The following NRXN1 variants were observed in gnomAD, a reference collection of about 807,000 sequenced individuals.
The protein encoded by NRXN1 is neurexin 1.
A neutral mutation model predicts 150.9 loss-of-function variants in NRXN1; 39 were observed. The ratio of observed to expected loss-of-function variants is 0.26; its 90% CI spans 0.20 to 0.34. The LOEUF is 0.34. NRXN1 is among the 10% of genes least tolerant of loss of function. The pLI is 1.00. For missense variants in NRXN1, 1,815 were observed against 1,949.9 expected, an observed-to-expected ratio of 0.93 and a Z score of 1.30; for synonymous variants, 924 against 757.0, an observed-to-expected ratio of 1.22 and a Z score of -3.62.
chr2:50,091,275 A>C, intron 19 of NRXN1, 48 bp downstream of exon 19: 1 of 1,603,214 alleles, frequency 6.2e-7, no homozygotes, highest in Non-Finnish European at 8.5e-7. Flanking sequence ...TTTTTCTTCC[A>C]GTTTGTTTTT....
rs2086582258 is a variant in NRXN1, at chr2:50,447,764, T to A, written c.3364+17678A>T. 1.8e-5 allele frequency among the ~76,000 whole-genome samples: 2 copies of A among 112,832 alleles called. 1 individual carries two copies. The highest frequency in any genetic ancestry group is 3.5e-5 in the Non-Finnish European group (2 of 57,294). 74.0% of individuals were successfully genotyped at this position (112,832 alleles called of 152,430 possible). A position where few individuals can be genotyped will look rare whatever the true frequency, so the allele number is the denominator to read the frequency against. ...ATATATATATATATATATATATATA[T>A]ATATATATATATATACCTAATTCCC... On this transcript the variant is annotated intron_variant, in intron 17 of 22. Transcript: ENST00000401669.
At position 50,133,603 on chromosome 2, in the gene NRXN1, T is replaced by C. The variant is rs945300884; in HGVS notation, c.3547-42109A>G. On this transcript the variant is annotated intron_variant, in intron 18 of 22. Coordinates refer to ENST00000401669, the MANE Select transcript of NRXN1 (RefSeq NM_001330078.2). ...TCAAGAAAAAAATTAGTAAACTAGT[T>C]GTGTTCTGGAAAAGAAAAATAAATT... is the stretch of plus-strand genomic sequence containing the variant. 1.5e-4 allele frequency among the ~76,000 whole-genome samples: 23 copies of C among 152,164 alleles called. No homozygotes were observed. In the South Asian group the frequency reaches 3.1e-3, roughly 21 times the overall value.
At chr2:50,733,727 A>C (rs1181644032) in intron 5 of NRXN1, among the ~76,000 whole-genome samples, 1 of 152,184 alleles carries the variant, frequency 6.6e-6, no homozygotes, top group Non-Finnish European at 1.5e-5. Context: ...ATACAGTCTT[A>C]ATAATGGTCG....
At chr2:50,240,599 G>A (rs762671061) in intron 17 of NRXN1, among the ~76,000 whole-genome samples, 1 of 151,610 alleles carries the variant, frequency 6.6e-6, no homozygotes, top group Non-Finnish European at 1.5e-5. Context: ...AGGACATGAT[G>A]TACTTACTGA....
intron 21 of NRXN1, among the ~76,000 whole-genome samples, chr2:49,970,846 T>G (rs1326563423): frequency 6.6e-6 from 1 of 151,966 alleles, no homozygotes; most frequent in African/African-American, 2.4e-5. Flanking sequence ...GGTGTTTGAG[T>G]CCATAAACCA....
rs183911545 is a variant in NRXN1 at position 50,262,564 on chromosome 2, T to A, written c.3365-25594A>T. Among the ~76,000 whole-genome samples the A allele has an allele frequency of 1.4e-4, 21 of 152,126 alleles. No homozygotes were observed. The East Asian group carries it at 1.9e-3, about 14-fold the overall frequency. On this transcript the variant is annotated intron_variant, in intron 17 of 22. Coordinates refer to ENST00000401669, the MANE Select transcript of NRXN1 (RefSeq NM_001330078.2). Reference sequence around the variant, plus strand: ...TTTGTTTTGTGAATACATGTTAAGATAATTCCTACTTAGAAGAACAGAATC... The same window carrying A: ...TTTGTTTTGTGAATACATGTTAAGAAAATTCCTACTTAGAAGAACAGAATC...
chr2:50,568,296 A>T (rs1251076223), intron 8 of NRXN1, among the ~76,000 whole-genome samples: 1 of 152,220 alleles, frequency 6.6e-6, no homozygotes. Context: ...GACAAATGGG[A>T]TCACATTAAG....
chr2:50,052,826 C>G (rs1389557097), intron 21 of NRXN1, among the ~76,000 whole-genome samples: 1 of 152,012 alleles, frequency 6.6e-6, no homozygotes, highest in Non-Finnish European at 1.5e-5. Context: ...CTTTAAACTT[C>G]AAAATACTAT....
intron 17 of NRXN1, among the ~76,000 whole-genome samples, chr2:50,259,488 C>T (rs1240506692): frequency 6.6e-6 from 1 of 151,830 alleles, no homozygotes; most frequent in Non-Finnish European, 1.5e-5. Flanking sequence ...ACTTAGCATA[C>T]TGAAGTGTAC....
intron 18 of NRXN1, among the ~76,000 whole-genome samples, chr2:50,118,745 T>C (rs933046136): frequency 3.3e-5 from 5 of 152,128 alleles, no homozygotes; most frequent in South Asian, 2.1e-4. Flanking sequence ...TTAGTGGCAA[T>C]TGAAGCAGTC....
intron 15 of NRXN1, among the ~76,000 whole-genome samples, chr2:50,476,469 T>G (rs2089995868): frequency 6.6e-6 from 1 of 151,990 alleles, no homozygotes. Context: ...TGATAATGCC[T>G]ACCTTGCAAG....
At chr2:50,529,118 G>C (rs1024647986) in intron 11 of NRXN1, among the ~76,000 whole-genome samples, 2 of 152,168 alleles carry the variant, frequency 1.3e-5, no homozygotes, top group African/African-American at 4.8e-5. Context: ...TGGTCAAATG[G>C]AAAGCAAGTT....
intron 17 of NRXN1, among the ~76,000 whole-genome samples, chr2:50,415,668 T>C (rs2104164084): frequency 6.6e-6 from 1 of 152,188 alleles, no homozygotes; most frequent in African/African-American, 2.4e-5. Context: ...TAAAATCAGC[T>C]AGGGTATAAA....
intron 17 of NRXN1, among the ~76,000 whole-genome samples, chr2:50,297,259 C>T (rs1245802900): frequency 6.6e-6 from 1 of 152,086 alleles, no homozygotes; most frequent in Non-Finnish European, 1.5e-5. Context: ...ATTCAGTCAC[C>T]TATTGATGGA....
chr2:50,789,974 G>C (rs1045240414), intron 5 of NRXN1, among the ~76,000 whole-genome samples: 1 of 152,086 alleles, frequency 6.6e-6, no homozygotes, highest in East Asian at 1.9e-4. Context: ...AAGCAGGATT[G>C]GCTCTTATCA....
chr2:49,964,600 G>A (rs1676614552), intron 21 of NRXN1, among the ~76,000 whole-genome samples: 1 of 151,848 alleles, frequency 6.6e-6, no homozygotes, highest in African/African-American at 2.4e-5. Context: ...AGCACTTTGG[G>A]AGGCTAAGGC....
chr2:50,759,540 T>G (rs1701550767), intron 5 of NRXN1, among the ~76,000 whole-genome samples: 1 of 151,852 alleles, frequency 6.6e-6, no homozygotes, highest in African/African-American at 2.4e-5. Context: ...ATCAAGAATT[T>G]TATAAGACTC....
At chr2:50,699,727 C>G (rs555058345) in intron 5 of NRXN1, among the ~76,000 whole-genome samples, 27 of 152,100 alleles carry the variant, frequency 1.8e-4, no homozygotes, top group African/African-American at 5.8e-4. Context: ...ATGGCCCTGC[C>G]AACACCTTGC....
rs57580154 is a variant in NRXN1 at position 50,026,859 on chromosome 2, C to CTTTTTTTTTTTTTTTTTTT, written c.4128+26393_4128+26411dup. Among the ~76,000 whole-genome samples the CTTTTTTTTTTTTTTTTTTT allele has an allele frequency of 1.8e-4, 12 of 65,242 alleles. 3 individuals carry two copies. The highest frequency in any genetic ancestry group is 3.2e-4 in the African/African-American group (5 of 15,542). 42.8% of individuals were successfully genotyped at this position (65,242 alleles called of 152,430 possible). A position where few individuals can be genotyped will look rare whatever the true frequency, so the allele number is the denominator to read the frequency against. The stretch of plus-strand genomic sequence containing the variant: ...TTGCATTGTTTAAGTCTTTTCTTTT[C>CTTTTTTTTTTTTTTTTTTT]TTTTTTTTTTTTTTTTTTTTTTTTT... On this transcript the variant is annotated intron_variant, in intron 21 of 22. Coordinates refer to ENST00000401669, the MANE Select transcript of NRXN1 (RefSeq NM_001330078.2).
Sources: allele counts gnomAD v4.1 joint callset (sites outside exome capture counted in the v4.1 genomes callset), GRCh38; gene constraint gnomAD v4.1.1; transcripts MANE v1.5; gene names NCBI Gene and HGNC (gene_info 2026-07-23, HGNC 2026-07-21).